Variants in SLCO5A1 observed in about 807,000 individuals in gnomAD.
The protein encoded by SLCO5A1 is solute carrier organic anion transporter family member 5A1.
A neutral mutation model predicts 65.1 loss-of-function variants in SLCO5A1; 39 were observed. That is an observed-to-expected ratio of 0.60 (90% CI 0.46 to 0.78). The LOEUF is 0.78. Ranked by LOEUF, SLCO5A1 falls within the 30% of genes least tolerant of loss-of-function variation. SLCO5A1 has a pLI of 0.00. For missense variants in SLCO5A1, 1,029 were observed against 1,069.4 expected (o/e 0.96, Z 0.53); for synonymous variants, 438 against 415.7 (o/e 1.05, Z -0.65).
intron 2 of SLCO5A1, among the ~76,000 whole-genome samples, chr8:69,817,173 T>G (rs573734679): frequency 4.7e-4 from 72 of 152,336 alleles, no homozygotes; most frequent in Admixed American, 9.8e-4. Context: ...CCCCTTCCCT[T>G]GGCCCCTGGC....
At chr8:69,789,065 A>G (rs1819156707) in intron 2 of SLCO5A1, among the ~76,000 whole-genome samples, 1 of 152,190 alleles carries the variant, frequency 6.6e-6, no homozygotes, top group Non-Finnish European at 1.5e-5. Flanking sequence ...ACATATAGTC[A>G]TCTGTTTCAG....
rs1483952561 is a variant in SLCO5A1 at position 69,736,493 on chromosome 8, CTCTGCTCCCTAG to C, written c.1423+1535_1423+1546del. On this transcript the variant is annotated intron_variant, in intron 5 of 9. Transcript: ENST00000260126. ...TAGAGAAGTGGGATGATCTAGGCAG[CTCTGCTCCCTAG>C]TCTGGCTGGAACTGGGGCACACAGT... Among the ~76,000 whole-genome samples the C allele has an allele frequency of 8.5e-5, 13 of 152,288 alleles. No homozygotes were observed. The East Asian group carries it at 2.5e-3, about 29-fold the overall frequency.
chr8:69,820,071 C>G (rs893243808), intron 2 of SLCO5A1, among the ~76,000 whole-genome samples: 2 of 152,208 alleles, frequency 1.3e-5, no homozygotes, highest in Non-Finnish European at 2.9e-5. Context: ...CTCACTCCAC[C>G]CTCCTCTCAC....
intron 8 of SLCO5A1, among the ~76,000 whole-genome samples, chr8:69,678,799 T>TTAA (rs1424613222): frequency 1.5e-5 from 1 of 65,142 alleles, no homozygotes; most frequent in Non-Finnish European, 3.2e-5. Flanking sequence ...CCTGAAAAAC[T>TTAA]GAAAAAAAAA....
chr8:69,830,533 G>C (rs1273468320), intron 2 of SLCO5A1, among the ~76,000 whole-genome samples: 1 of 151,998 alleles, frequency 6.6e-6, no homozygotes, highest in Non-Finnish European at 1.5e-5. Context: ...CCTTTAGCTT[G>C]TTTAGGTTGC....
intron 5 of SLCO5A1, among the ~76,000 whole-genome samples, chr8:69,714,390 G>T (rs1170641226): frequency 6.6e-6 from 1 of 152,228 alleles, no homozygotes; most frequent in Non-Finnish European, 1.5e-5. Context: ...AGTCAAAGCT[G>T]CCAGTACCTG....
chr8:69,794,269 T>C (rs1819393487), intron 2 of SLCO5A1: 1 of 480,370 alleles, frequency 2.1e-6, no homozygotes, highest in South Asian at 1.6e-5. Flanking sequence ...TGGGAAAGTT[T>C]TGCTGAATGG....
chr8:69,828,519 G>A (rs915419544), intron 2 of SLCO5A1, among the ~76,000 whole-genome samples: 3 of 151,564 alleles, frequency 2.0e-5, no homozygotes, highest in Non-Finnish European at 2.9e-5. Flanking sequence ...GGAGAATGGC[G>A]TCAACCTGGA....
At chr8:69,715,523 G>A (rs896095199) in intron 5 of SLCO5A1, among the ~76,000 whole-genome samples, 2 of 152,094 alleles carry the variant, frequency 1.3e-5, no homozygotes, top group South Asian at 2.1e-4. Context: ...ACAGTTCATC[G>A]TCATGACGCC....
intron 5 of SLCO5A1, among the ~76,000 whole-genome samples, chr8:69,718,696 G>A (rs1586722064): frequency 6.6e-6 from 1 of 152,024 alleles, no homozygotes; most frequent in East Asian, 1.9e-4. Context: ...TTAATTTAAC[G>A]GAAAACATTA....
At chr8:69,781,089 C>T (rs191594940) in intron 2 of SLCO5A1, among the ~76,000 whole-genome samples, 2 of 152,346 alleles carry the variant, frequency 1.3e-5, no homozygotes, top group African/African-American at 2.4e-5. Context: ...CTCAGAAGAG[C>T]ATACCAGCTG....
chr8:69,755,204 A>C (rs1431421970), intron 4 of SLCO5A1, among the ~76,000 whole-genome samples: 1 of 152,200 alleles, frequency 6.6e-6, no homozygotes, highest in Non-Finnish European at 1.5e-5. Context: ...ATTAATTTTT[A>C]AATAACATAC....
chr8:69,829,394 G>A (rs1368063585), intron 2 of SLCO5A1, among the ~76,000 whole-genome samples: 1 of 152,166 alleles, frequency 6.6e-6, no homozygotes, highest in Non-Finnish European at 1.5e-5. Flanking sequence ...AAAAAGTTGA[G>A]GCACAGTTCT....
intron 7 of SLCO5A1, 144 bp from the exon 8 acceptor site, chr8:69,679,763 C>T: frequency 1.7e-6 from 2 of 1,182,620 alleles, no homozygotes; most frequent in Non-Finnish European, 2.4e-6. Context: ...AAGTACCTTC[C>T]TCATTGGTAA....
rs144035170 is a variant in SLCO5A1, at chr8:69,790,579, G to A, written c.908-28704C>T. 7.0e-3 allele frequency among the ~76,000 whole-genome samples: 1,065 copies of A among 152,222 alleles called. 11 individuals are homozygous for A. The highest frequency in any genetic ancestry group is 0.025 in the African/African-American group (1,018 of 41,534). The stretch of plus-strand genomic sequence containing the variant: ...CACTTGAGCCCAGGAGTGTGAGGCT[G>A]CAGTGAGCTATGCTTGTGCCTGTGA... On this transcript the variant is annotated intron_variant, in intron 2 of 9. Transcript: ENST00000260126.
intron 2 of SLCO5A1, among the ~76,000 whole-genome samples, chr8:69,791,667 A>G (rs1819277181): frequency 6.6e-6 from 1 of 152,216 alleles, no homozygotes; most frequent in South Asian, 2.1e-4. Context: ...AGAAATAGTA[A>G]CTTCCCTCAA....
chr8:69,687,413 A>G (rs1814049495), intron 6 of SLCO5A1, among the ~76,000 whole-genome samples: 1 of 152,212 alleles, frequency 6.6e-6, no homozygotes, highest in Non-Finnish European at 1.5e-5. Context: ...TATTTTTATC[A>G]TTAAAGCTCC....
intron 2 of SLCO5A1, among the ~76,000 whole-genome samples, chr8:69,824,790 A>G (rs1820797843): frequency 6.6e-6 from 1 of 152,244 alleles, no homozygotes; most frequent in African/African-American, 2.4e-5. Flanking sequence ...GACCAGCATC[A>G]TCCTGATACC....
At chr8:69,793,058 T>A (rs1002930580) in intron 2 of SLCO5A1, among the ~76,000 whole-genome samples, 5 of 152,020 alleles carry the variant, frequency 3.3e-5, no homozygotes, top group African/African-American at 1.2e-4. Context: ...CTCAGCTCAC[T>A]GCAGCCTCCG....
Sources: gnomAD v4.1 joint callset for allele counts (sites outside exome capture counted in the v4.1 genomes callset) on GRCh38, gnomAD v4.1.1 for gene constraint, MANE v1.5 for transcripts, NCBI Gene and HGNC (gene_info 2026-07-23, HGNC 2026-07-21) for gene names.